Variants in RBMS3 observed in about 807,000 individuals in gnomAD.
The protein encoded by RBMS3 is RNA-binding motif, single-stranded-interacting protein 3.
In RBMS3, 27 loss-of-function variants were observed where a neutral mutation model predicts 66.8. That is an observed-to-expected ratio of 0.40 (90% confidence interval 0.30 to 0.56). RBMS3 has a LOEUF of 0.56. Ranked by LOEUF, RBMS3 falls within the 20% of genes least tolerant of loss-of-function variation. The pLI, the probability that RBMS3 is intolerant of heterozygous loss-of-function variation, is 0.40. For missense variants in RBMS3, 513 were observed against 549.5 expected, an observed-to-expected ratio of 0.93 and a Z score of 0.66; for synonymous variants, 188 against 183.0, an observed-to-expected ratio of 1.03 and a Z score of -0.22.
chr3:29,995,199 A>G (rs1283715290), intron 14 of RBMS3, among the ~76,000 whole-genome samples: 2 of 152,150 alleles, frequency 1.3e-5, no homozygotes, highest in South Asian at 2.1e-4. Context: ...TGAAGCGAGA[A>G]GGGAAGTTTA....
rs371877774 is a variant in RBMS3, at chr3:29,334,550, A to C, written c.75+52794A>C. ...TGAGGCAGCAGATGATAAATCAAAA[A>C]CTAATATTTTCAACTATCTCAAAAG... On this transcript the variant is annotated intron_variant, in intron 1 of 14. Coordinates refer to ENST00000383767, the MANE Select transcript of RBMS3 (RefSeq NM_001003793.3). 2.2e-4 allele frequency among the ~76,000 whole-genome samples: 34 copies of C among 152,252 alleles called. No homozygotes were observed. The South Asian group carries it at 2.7e-3, about 12-fold the overall frequency.
intron 6 of RBMS3, among the ~76,000 whole-genome samples, chr3:29,865,569 C>T (rs570975096): frequency 2.6e-5 from 4 of 152,228 alleles, no homozygotes; most frequent in African/African-American, 7.2e-5. Flanking sequence ...GCAAGTTGGT[C>T]TCTTTTTAAA....
intron 5 of RBMS3, among the ~76,000 whole-genome samples, chr3:29,741,892 G>T (rs1163636809): frequency 6.6e-6 from 1 of 152,018 alleles, no homozygotes; most frequent in East Asian, 1.9e-4. Context: ...AATCTCTTAA[G>T]AGCACCAAGT....
intron 7 of RBMS3, among the ~76,000 whole-genome samples, chr3:29,872,357 C>T (rs980719742): frequency 3.9e-5 from 6 of 152,090 alleles, no homozygotes; most frequent in Admixed American, 3.9e-4. Flanking sequence ...ATGTCTGGCT[C>T]AGTAAAAAAT....
intron 4 of RBMS3, among the ~76,000 whole-genome samples, chr3:29,659,602 C>T (rs1487495318): frequency 6.6e-6 from 1 of 152,134 alleles, no homozygotes. Context: ...TATGTATATA[C>T]TACATTTCCC....
At chr3:29,693,092 T>A (rs2149276088) in intron 4 of RBMS3, among the ~76,000 whole-genome samples, 1 of 152,234 alleles carries the variant, frequency 6.6e-6, no homozygotes, top group South Asian at 2.1e-4. Context: ...GAGACTAAAG[T>A]GGTTTTTTAC....
intron 10 of RBMS3, among the ~76,000 whole-genome samples, chr3:29,922,477 G>C (rs1351279855): frequency 2.4e-5 from 3 of 125,198 alleles, no homozygotes; most frequent in African/African-American, 9.3e-5. Flanking sequence ...CTGGGCGACA[G>C]AGCGAGACTC....
intron 12 of RBMS3, among the ~76,000 whole-genome samples, chr3:29,968,446 C>T (rs1392852099): frequency 6.6e-6 from 1 of 152,174 alleles, no homozygotes; most frequent in Non-Finnish European, 1.5e-5. Context: ...CCTCTGGCCA[C>T]CCTCCTGCTG....
At chr3:29,338,661 TCTCCTCTCCTCTCCTC>T (rs1442219709) in intron 1 of RBMS3, among the ~76,000 whole-genome samples, 1 of 148,150 alleles carries the variant, frequency 6.7e-6, no homozygotes, top group Non-Finnish European at 1.5e-5. Flanking sequence ...GTCTAGGATT[TCTCCTCTCCTCTCCTC>T]CTCCTCTCCT....
At chr3:29,648,741 AT>A (rs1197607671) in intron 4 of RBMS3, among the ~76,000 whole-genome samples, 4 of 152,068 alleles carry the variant, frequency 2.6e-5, no homozygotes, top group South Asian at 2.1e-4. Context: ...ATGTCCAAAT[AT>A]TTTTTTATTT....
chr3:29,793,160 G>A (rs1294805575), intron 6 of RBMS3, among the ~76,000 whole-genome samples: 1 of 151,956 alleles, frequency 6.6e-6, no homozygotes, highest in African/African-American at 2.4e-5. Context: ...GAACCCGGGA[G>A]GTGGAGGTTG....
intron 4 of RBMS3, among the ~76,000 whole-genome samples, chr3:29,627,484 A>G (rs2049112091): frequency 6.6e-6 from 1 of 152,034 alleles, no homozygotes; most frequent in Non-Finnish European, 1.5e-5. Context: ...TCCCCACCCC[A>G]GTCAGGATGT....
intron 1 of RBMS3, among the ~76,000 whole-genome samples, chr3:29,386,021 C>T (rs992453697): frequency 3.3e-5 from 5 of 152,184 alleles, no homozygotes; most frequent in African/African-American, 1.2e-4. Context: ...AAAAACTGTT[C>T]CAAACTACCA....
At chr3:29,940,449 G>T (rs2061365254) in intron 11 of RBMS3, among the ~76,000 whole-genome samples, 1 of 151,900 alleles carries the variant, frequency 6.6e-6, no homozygotes, top group African/African-American at 2.4e-5. Context: ...GAGCTATCCA[G>T]TGAATAATCT....
intron 12 of RBMS3, among the ~76,000 whole-genome samples, chr3:29,982,288 A>G (rs866291928): frequency 6.6e-6 from 1 of 151,894 alleles, no homozygotes; most frequent in Non-Finnish European, 1.5e-5. Context: ...ATTATTTTTT[A>G]TGGTGTCTAT....
intron 2 of RBMS3, among the ~76,000 whole-genome samples, chr3:29,469,792 T>A (rs2042659605): frequency 6.6e-6 from 1 of 151,028 alleles, no homozygotes; most frequent in Non-Finnish European, 1.5e-5. Context: ...GTGGAAGAAA[T>A]GAGGTTGGAC....
chr3:29,775,500 G>A (rs952642313), intron 6 of RBMS3, among the ~76,000 whole-genome samples: 1 of 151,978 alleles, frequency 6.6e-6, no homozygotes, highest in Non-Finnish European at 1.5e-5. Context: ...TTTGTGAGTA[G>A]CATGCGAATG....
chr3:29,325,236 A>T (rs1259514063), intron 1 of RBMS3, among the ~76,000 whole-genome samples: 1 of 152,176 alleles, frequency 6.6e-6, no homozygotes, highest in African/African-American at 2.4e-5. Context: ...TTGTGAAAAA[A>T]GGCGGTGGTG....
At chr3:29,866,521 A>C (rs1038077763) in intron 6 of RBMS3, among the ~76,000 whole-genome samples, 20 of 152,234 alleles carry the variant, frequency 1.3e-4, no homozygotes, top group African/African-American at 4.3e-4. Context: ...ATATGTCAGC[A>C]TGACCATCCC....
Sources: gnomAD v4.1 joint callset for allele counts (sites outside exome capture counted in the v4.1 genomes callset) on GRCh38, gnomAD v4.1.1 for gene constraint, MANE v1.5 for transcripts, NCBI Gene and HGNC (gene_info 2026-07-23, HGNC 2026-07-21) for gene names.